PACRGL: variants seen among roughly 807,000 people sequenced by gnomAD.
PACRGL encodes parkin coregulated like.
In PACRGL, 38 loss-of-function variants were observed where a neutral mutation model predicts 34.5. The ratio of observed to expected loss-of-function variants is 1.10; its 90% CI spans 0.85 to 1.44. The LOEUF is 1.44. Ranked by LOEUF, PACRGL falls within the 40% of genes most tolerant of loss-of-function variation. PACRGL has a pLI of 0.00. For synonymous variants in PACRGL, 128 were observed against 100.1 expected (o/e 1.28, Z -1.66); for missense variants, 305 against 281.4 (o/e 1.08, Z -0.60).
chr4:20,749,818 C>A, intron 8 of PACRGL: 1 of 814,278 alleles, frequency 1.2e-6, no homozygotes, highest in Non-Finnish European at 2.0e-6. Flanking sequence ...TTCCTTTGAT[C>A]CAGAAGAATT....
At chr4:20,762,324 A>G in the PACRGL span, among the ~76,000 whole-genome samples, 1 of 152,180 alleles carries the variant, frequency 6.6e-6, no homozygotes, top group Non-Finnish European at 1.5e-5. Context: ...TAATACTATC[A>G]CATTGGGGGT....
At chr4:20,764,932 T>G in the PACRGL span, among the ~76,000 whole-genome samples, 1 of 152,216 alleles carries the variant, frequency 6.6e-6, no homozygotes, top group African/African-American at 2.4e-5. Flanking sequence ...TTCCTTCTTA[T>G]GCAGACCATT....
At chr4:20,758,972 C>A in the PACRGL span, 1 of 1,054,402 alleles carries the variant, frequency 9.5e-7, no homozygotes, top group South Asian at 1.3e-5. Flanking sequence ...ACAGAACTGT[C>A]TACCATGCAA....
Position 20,728,293 on chromosome 4 carries a change from G to A in PACRGL, c.*952G>A, listed in dbSNP as rs537570917. On this transcript the variant is annotated 3_prime_UTR_variant, in exon 9 of 9. Coordinates refer to ENST00000503585, the MANE Select transcript of PACRGL (RefSeq NM_001258345.3). The stretch of plus-strand genomic sequence containing the variant: ...AAATGTGTTATTTTTGCATTTCATA[G>A]CCAGAAAATACTGATGTTCACTTAA... 11 of 152,180 alleles carry A rather than the reference G, an allele frequency of 7.2e-5. No homozygotes were observed. The South Asian group carries it at 1.2e-3, about 17-fold the overall frequency. The allele number at this position is 152,180 out of a possible 1,614,324, so 9.4% of individuals were successfully genotyped here. A position where few individuals can be genotyped will look rare whatever the true frequency, so the allele number is the denominator to read the frequency against.
chr4:20,724,237 G>C (rs1340537270), intron 7 of PACRGL, among the ~76,000 whole-genome samples: 1 of 152,106 alleles, frequency 6.6e-6, no homozygotes, highest in Non-Finnish European at 1.5e-5. Flanking sequence ...TATGGCGTGA[G>C]ACCCAAGAAT....
the PACRGL span, among the ~76,000 whole-genome samples, chr4:20,761,244 C>G: frequency 6.6e-6 from 1 of 152,134 alleles, no homozygotes; most frequent in South Asian, 2.1e-4. Context: ...CATTAGATAT[C>G]AAGCTGGCCA....
In PACRGL at chr4:20,700,716, T is replaced by C. The variant is rs1731774922; in HGVS notation, c.-88T>C. On this transcript the variant is annotated 5_prime_UTR_variant, in exon 1 of 9. Coordinates refer to ENST00000503585, the MANE Select transcript of PACRGL (RefSeq NM_001258345.3). ...AAGGACCCTTGAGATCGTGAGCGCT[T>C]GGAGTGTACCCCTCCTTTCCTGGGG... 6.6e-6 allele frequency: 1 copy of C among 152,186 alleles called. No homozygotes were observed. Among genetic ancestry groups the C allele is most frequent in the Non-Finnish European group, 1.5e-5 (1 of 68,040 alleles). The allele number at this position is 152,186 out of a possible 1,614,324, so 9.4% of individuals were successfully genotyped here. A position where few individuals can be genotyped will look rare whatever the true frequency, so the allele number is the denominator to read the frequency against.
intron 7 of PACRGL, chr4:20,718,728 G>C (rs966914340): frequency 3.3e-5 from 5 of 152,214 alleles, no homozygotes; most frequent in Non-Finnish European, 5.9e-5. Context: ...GCTGGATTCG[G>C]TTTGCCAGTA....
Position 20,704,711 on chromosome 4 carries a change from C to T in PACRGL, c.104C>T (p.Ala35Val). 1 of 1,613,990 alleles carries T rather than the reference C, an allele frequency of 6.2e-7. No individual in the cohort carries two copies. The highest frequency in any genetic ancestry group is 8.5e-7 in the Non-Finnish European group (1 of 1,179,894). The change falls in exon 3 of 9, where the codon GCA (alanine) becomes GTA (valine). Residue 35 changes from alanine to valine, a missense_variant. Coordinates refer to ENST00000503585, the MANE Select transcript of PACRGL (RefSeq NM_001258345.3). ...AGCACACAGTTAAAACACAGGAATGCAGTTCAGGGAAGCAAATCCTCATTG... is the reference window on the plus strand; with the variant it reads ...AGCACACAGTTAAAACACAGGAATGTAGTTCAGGGAAGCAAATCCTCATTG... ...SSSTQLKHRN[A>V]VQGSKSSLST...
chr4:20,740,878 C>G (rs1055553860), intron 8 of PACRGL, among the ~76,000 whole-genome samples: 7 of 152,020 alleles, frequency 4.6e-5, no homozygotes, highest in Non-Finnish European at 8.8e-5. Flanking sequence ...GGAGGAAGAT[C>G]TACCAAGCAA....
At chr4:20,738,905 C>T (rs538519357) in intron 8 of PACRGL, among the ~76,000 whole-genome samples, 1 of 152,282 alleles carries the variant, frequency 6.6e-6, no homozygotes, top group Admixed American at 6.5e-5. Flanking sequence ...TGTGCTTTTC[C>T]AACAGTCTTA....
intron 7 of PACRGL, among the ~76,000 whole-genome samples, chr4:20,719,878 G>A (rs1203265403): frequency 6.6e-6 from 1 of 151,892 alleles, no homozygotes; most frequent in Non-Finnish European, 1.5e-5. Flanking sequence ...CAATTCCTGG[G>A]TATCCTTGTT....
Position 20,709,780 on chromosome 4 carries a change from A to G in PACRGL, c.366+7A>G. On this transcript the variant is annotated splice_region_variant and intron_variant, in intron 5 of 8. Transcript: ENST00000503585. ...TCTTATTACTTTAGCTGAGGTAAAT[A>G]TGCCATCTCTTGAATATTTATCAGA... 6.4e-7 allele frequency: 1 copy of G among 1,566,026 alleles called. No homozygotes were observed. The highest frequency in any genetic ancestry group is 8.8e-7 in the Non-Finnish European group (1 of 1,137,614).
At chr4:20,725,739 C>T (rs1166003300) in intron 8 of PACRGL, among the ~76,000 whole-genome samples, 2 of 151,924 alleles carry the variant, frequency 1.3e-5, no homozygotes, top group Non-Finnish European at 2.9e-5. Context: ...CCTCATTTGA[C>T]CAATCTCAAT....
intron 1 of PACRGL, among the ~76,000 whole-genome samples, chr4:20,703,124 A>G (rs1482157333): frequency 6.6e-6 from 1 of 152,198 alleles, no homozygotes; most frequent in Non-Finnish European, 1.5e-5. Flanking sequence ...AAAAAGTATC[A>G]GTGTTTATCC....
downstream of PACRGL, among the ~76,000 whole-genome samples, chr4:20,753,145 T>C (rs1241345526): frequency 1.3e-5 from 2 of 152,148 alleles, no homozygotes; most frequent in Non-Finnish European, 2.9e-5. Context: ...TGGGAAGACA[T>C]TTTGGATACT....
At chr4:20,734,474 C>T (rs1416151263), downstream of PACRGL, among the ~76,000 whole-genome samples, 1 of 152,118 alleles carries the variant, frequency 6.6e-6, no homozygotes, top group Non-Finnish European at 1.5e-5. Context: ...CTACTTCTAT[C>T]CCAAGTTTTT....
At chr4:20,711,568 A>G (rs1381932088) in intron 5 of PACRGL, among the ~76,000 whole-genome samples, 2 of 151,982 alleles carry the variant, frequency 1.3e-5, no homozygotes, top group African/African-American at 2.4e-5. Context: ...TTGGAAGCAG[A>G]TATTTAGGTC....
chr4:20,708,709 T>G (rs1021874368), intron 4 of PACRGL, among the ~76,000 whole-genome samples: 1 of 152,020 alleles, frequency 6.6e-6, no homozygotes, highest in Non-Finnish European at 1.5e-5. Flanking sequence ...GTCAAGAACA[T>G]TACAAAGGAG....
Sources: allele counts gnomAD v4.1 joint callset (sites outside exome capture counted in the v4.1 genomes callset), GRCh38; gene constraint gnomAD v4.1.1; transcripts MANE v1.5; gene names NCBI Gene and HGNC (gene_info 2026-07-23, HGNC 2026-07-21).